SLC8A3: variants seen among roughly 807,000 people sequenced by gnomAD.
SLC8A3 encodes the protein solute carrier family 8 member A3.
Under a neutral mutation model 65.4 loss-of-function variants are expected in SLC8A3, and 37 were observed. That is an observed-to-expected ratio of 0.57 (90% CI 0.44 to 0.74). SLC8A3 has a LOEUF of 0.74. Among genes scored for constraint, SLC8A3 ranks in the 30% least tolerant of loss-of-function variants. SLC8A3 has a pLI of 0.00. For missense variants in SLC8A3, 1,112 were observed against 1,172.1 expected (o/e 0.95, Z 0.75); for synonymous variants, 461 against 444.5 (o/e 1.04, Z -0.47).
intron 2 of SLC8A3, among the ~76,000 whole-genome samples, chr14:70,104,145 A>G (rs1297505864): frequency 6.6e-6 from 1 of 152,106 alleles, no homozygotes; most frequent in African/African-American, 2.4e-5. Context: ...CAAAACTGAC[A>G]GAACTAAAGA....
intron 2 of SLC8A3, among the ~76,000 whole-genome samples, chr14:70,089,525 G>A (rs1385784228): frequency 2.6e-5 from 4 of 152,198 alleles, no homozygotes; most frequent in Non-Finnish European, 4.4e-5. Flanking sequence ...GCAATGGGCA[G>A]AGGAAGAACT....
chr14:70,100,598 C>A (rs918747969), intron 2 of SLC8A3, among the ~76,000 whole-genome samples: 1 of 152,192 alleles, frequency 6.6e-6, no homozygotes, highest in Non-Finnish European at 1.5e-5. Flanking sequence ...TTAATGGGAG[C>A]AAAATGATTA....
intron 1 of SLC8A3, among the ~76,000 whole-genome samples, chr14:70,184,920 A>G (rs1883057063): frequency 6.6e-6 from 1 of 151,938 alleles, no homozygotes; most frequent in South Asian, 2.1e-4. Flanking sequence ...TAGGCAAAGC[A>G]ACCAGGCTTA....
At chr14:70,097,198 G>A (rs1430857348) in intron 2 of SLC8A3, among the ~76,000 whole-genome samples, 2 of 151,480 alleles carry the variant, frequency 1.3e-5, no homozygotes, top group Non-Finnish European at 2.9e-5. Context: ...GAAGGGCAAT[G>A]CAACAGAGTC....
At chr14:70,060,800 T>G in intron 3 of SLC8A3, 36 bp downstream of exon 3, 1 of 1,092,164 alleles carries the variant, frequency 9.2e-7, no homozygotes, top group South Asian at 1.3e-5. Context: ...TTTTCTTTCT[T>G]TTTTTTTGTT....
At chr14:70,056,513 G>A (rs182643558) in intron 3 of SLC8A3, among the ~76,000 whole-genome samples, 30 of 152,286 alleles carry the variant, frequency 2.0e-4, no homozygotes, top group Non-Finnish European at 3.4e-4. Flanking sequence ...TGTCTTTACC[G>A]TAGATATATC....
At chr14:70,136,799 C>CATT (rs1276324523) in intron 2 of SLC8A3, among the ~76,000 whole-genome samples, 1 of 152,208 alleles carries the variant, frequency 6.6e-6, no homozygotes, top group African/African-American at 2.4e-5. Context: ...GGGCATGGAC[C>CATT]ATTAAAATGG....
intron 1 of SLC8A3, among the ~76,000 whole-genome samples, chr14:70,169,544 G>T (rs1050171473): frequency 2.6e-4 from 39 of 151,946 alleles, no homozygotes; most frequent in Admixed American, 2.4e-3. Flanking sequence ...TCATCTACTG[G>T]CCTCAAACCA....
At chr14:70,131,928 G>T (rs533256105) in intron 2 of SLC8A3, among the ~76,000 whole-genome samples, 1 of 152,276 alleles carries the variant, frequency 6.6e-6, no homozygotes, top group African/African-American at 2.4e-5. Flanking sequence ...TCTTTAACTG[G>T]GAGGAGGACA....
intron 2 of SLC8A3, among the ~76,000 whole-genome samples, chr14:70,066,077 C>T (rs377222604): frequency 2.8e-4 from 42 of 152,278 alleles, no homozygotes; most frequent in African/African-American, 8.2e-4. Flanking sequence ...TAAGGACAGG[C>T]GTTAACTAGT....
chr14:70,120,994 G>A (rs1894014970), intron 2 of SLC8A3, among the ~76,000 whole-genome samples: 1 of 152,188 alleles, frequency 6.6e-6, no homozygotes, highest in Non-Finnish European at 1.5e-5. Context: ...AATAGTGGAA[G>A]GAGGGGATAA....
At chr14:70,085,061 G>T (rs986136808) in intron 2 of SLC8A3, among the ~76,000 whole-genome samples, 2 of 152,152 alleles carry the variant, frequency 1.3e-5, no homozygotes, top group Admixed American at 1.3e-4. Flanking sequence ...GCATTAGGGG[G>T]TAAAGAAGTT....
intron 2 of SLC8A3, among the ~76,000 whole-genome samples, chr14:70,128,599 T>C (rs1295998073): frequency 2.6e-5 from 4 of 152,226 alleles, no homozygotes; most frequent in Non-Finnish European, 5.9e-5. Context: ...ATTTTTAGCA[T>C]TTTTCAGTTA....
intron 2 of SLC8A3, among the ~76,000 whole-genome samples, chr14:70,128,811 A>T (rs1287466391): frequency 6.6e-6 from 1 of 152,140 alleles, no homozygotes; most frequent in East Asian, 1.9e-4. Context: ...TCTGCCTTCC[A>T]TGATAGGTGT....
chr14:70,084,145 G>T (rs1308280253), intron 2 of SLC8A3, among the ~76,000 whole-genome samples: 1 of 152,154 alleles, frequency 6.6e-6, no homozygotes, highest in African/African-American at 2.4e-5. Flanking sequence ...AATTGCTGTT[G>T]TTGTGATTCT....
chr14:70,047,005 AG>A (rs1159404696), intron 6 of SLC8A3: 1 of 152,266 alleles, frequency 6.6e-6, no homozygotes, highest in East Asian at 1.9e-4. Context: ...AAGAAAAATA[AG>A]GGTCAAAGAA....
intron 2 of SLC8A3, among the ~76,000 whole-genome samples, chr14:70,094,130 C>G (rs1891993684): frequency 6.6e-6 from 1 of 152,212 alleles, no homozygotes; most frequent in Admixed American, 6.5e-5. Context: ...TCCTAGTCTG[C>G]TAGACTGGAA....
rs1327454949 is a variant in SLC8A3 at position 70,046,357 on chromosome 14, G to A, written c.2390-34C>T. The A allele has an allele frequency of 1.3e-6, 2 of 1,563,890 alleles. No homozygotes were observed. The highest frequency in any genetic ancestry group is 1.2e-5 in the South Asian group (1 of 82,792). On this transcript the variant is annotated intron_variant, in intron 6 of 6. Transcript: ENST00000356921. This position sits in a 1 kb window ranked among gnomAD's most constrained non-coding sequence, Gnocchi z 4.2. ...GGACAAAGACACATGGGAACTGGTA[G>A]GAGGCTAAGGTGTGCAGGGCTTGTC...
chr14:70,058,097 T>C (rs928871621), intron 3 of SLC8A3, among the ~76,000 whole-genome samples: 1 of 152,218 alleles, frequency 6.6e-6, no homozygotes, highest in African/African-American at 2.4e-5. Flanking sequence ...ATCTCAACTC[T>C]GAAGTCTGTT....
Sources: gnomAD v4.1 joint callset for allele counts (sites outside exome capture counted in the v4.1 genomes callset) on GRCh38, gnomAD v4.1.1 for gene constraint, Gnocchi (gnomAD v3.1) non-coding constraint, MANE v1.5 for transcripts, NCBI Gene and HGNC (gene_info 2026-07-23, HGNC 2026-07-21) for gene names.